DDX10: variants seen among roughly 807,000 people sequenced by gnomAD.
DDX10 encodes the protein probable ATP-dependent RNA helicase DDX10.
A neutral mutation model predicts 104.3 loss-of-function variants in DDX10; 74 were observed. That is an observed-to-expected ratio of 0.71 (90% CI 0.59 to 0.86). The LOEUF (loss-of-function observed/expected upper bound fraction) is 0.86, where lower values mean the gene tolerates loss of function less well. DDX10 is among the 40% of genes least tolerant of loss of function. DDX10 has a pLI of 0.00. For missense variants in DDX10, 952 were observed against 1,040.0 expected (o/e 0.92, Z 1.16); for synonymous variants, 351 against 353.4 (o/e 0.99, Z 0.08).
intron 6 of DDX10, among the ~76,000 whole-genome samples, chr11:108,680,794 A>G (rs2094233797): frequency 6.6e-6 from 1 of 152,218 alleles, no homozygotes; most frequent in South Asian, 2.1e-4. Flanking sequence ...ATTCAGGCCC[A>G]TCTTGACCTT....
intron 13 of DDX10, among the ~76,000 whole-genome samples, chr11:108,726,081 T>C (rs755283564): frequency 2.0e-5 from 3 of 152,056 alleles, no homozygotes; most frequent in Non-Finnish European, 2.9e-5. Flanking sequence ...GAAAGTCAGT[T>C]GACTTTCAAA....
intron 13 of DDX10, among the ~76,000 whole-genome samples, chr11:108,770,592 C>T (rs969174655): frequency 1.4e-5 from 2 of 147,736 alleles, no homozygotes; most frequent in Non-Finnish European, 3.0e-5. Flanking sequence ...TTTTTAGATC[C>T]TACTAATAAG....
At chr11:108,870,199 A>G (rs2134622334) in intron 16 of DDX10, among the ~76,000 whole-genome samples, 1 of 152,282 alleles carries the variant, frequency 6.6e-6, no homozygotes, top group East Asian at 1.9e-4. Flanking sequence ...CACTCCTGCT[A>G]TCCCTATCAT....
At chr11:108,764,781 C>G (rs1174719553) in intron 13 of DDX10, among the ~76,000 whole-genome samples, 1 of 152,122 alleles carries the variant, frequency 6.6e-6, no homozygotes, top group African/African-American at 2.4e-5. Context: ...CTCAGCATTA[C>G]TTTCTTTGAT....
intron 13 of DDX10, among the ~76,000 whole-genome samples, chr11:108,809,835 T>C (rs1448788020): frequency 6.6e-6 from 1 of 152,206 alleles, no homozygotes; most frequent in Non-Finnish European, 1.5e-5. Flanking sequence ...TGCATCTGTG[T>C]GTTCTACCCT....
At chr11:108,684,902 G>T (rs1352972592) in intron 6 of DDX10, among the ~76,000 whole-genome samples, 1 of 143,740 alleles carries the variant, frequency 7.0e-6, no homozygotes, top group East Asian at 2.1e-4. Flanking sequence ...TCTAACTGGT[G>T]TGAGATGATA....
chr11:108,849,205 T>G (rs542777286), intron 15 of DDX10, among the ~76,000 whole-genome samples: 58 of 152,264 alleles, frequency 3.8e-4, no homozygotes, highest in African/African-American at 1.4e-3. Flanking sequence ...ATGATCTTTC[T>G]CTTGCTTACT....
At chr11:108,932,792 T>C (rs1331567909) in intron 17 of DDX10, among the ~76,000 whole-genome samples, 1 of 152,040 alleles carries the variant, frequency 6.6e-6, no homozygotes, top group Non-Finnish European at 1.5e-5. Context: ...GTGACAAAAA[T>C]GAAAGTAATT....
intron 13 of DDX10, among the ~76,000 whole-genome samples, chr11:108,835,257 G>C (rs1227476607): frequency 6.6e-6 from 1 of 152,186 alleles, no homozygotes; most frequent in African/African-American, 2.4e-5. Context: ...TAGTAACTGA[G>C]GAAGAACAAT....
At position 108,911,553 on chromosome 11, in the gene DDX10, CTTCTTTT is replaced by C. The variant is rs372342134; in HGVS notation, c.2305-6317_2305-6311del. Among the ~76,000 whole-genome samples, 83 of 117,236 alleles carry C rather than the reference CTTCTTTT, an allele frequency of 7.1e-4. 2 individuals are homozygous for C. Among genetic ancestry groups the C allele is most frequent in the Non-Finnish European group, 9.0e-4 (53 of 58,660 alleles). 76.9% of individuals were successfully genotyped at this position (117,236 alleles called of 152,430 possible). On this transcript the variant is annotated intron_variant, in intron 16 of 17. Transcript: ENST00000322536. ...CCAGTTCCCAAAAGCTTTGCCTCCT[CTTCTTTT>C]TTTTTTTTTTTTTTTTTTTTTTTTT...
At chr11:108,889,214 A>ACACAT (rs2134638488) in intron 16 of DDX10, among the ~76,000 whole-genome samples, 1 of 152,274 alleles carries the variant, frequency 6.6e-6, no homozygotes, top group East Asian at 1.9e-4. Flanking sequence ...GTGATTCATA[A>ACACAT]CACATATTGC....
At chr11:108,901,998 A>T (rs981695821) in intron 16 of DDX10, among the ~76,000 whole-genome samples, 1 of 152,240 alleles carries the variant, frequency 6.6e-6, no homozygotes, top group Non-Finnish European at 1.5e-5. Context: ...CAGAATAATG[A>T]AAGGACTGTA....
chr11:108,681,962 G>A, intron 6 of DDX10, among the ~76,000 whole-genome samples: 1 of 151,670 alleles, frequency 6.6e-6, no homozygotes, highest in East Asian at 1.9e-4. Context: ...TGGTTTTTTT[G>A]CCTTTTTCTT....
rs746030725 is a variant in DDX10, at chr11:108,719,835, G to T, written c.1449G>T (p.Lys483Asn). Residue 483 changes from lysine to asparagine, a missense_variant, in exon 12 of 18, where the codon AAG becomes AAT. Transcript: ENST00000322536. ...VSYVRSVYLM[K>N]DKEVFDVSKL... is the part of the protein sequence containing the mutation. ...ATGTACGATCTGTATATCTGATGAA[G>T]GATAAAGAAGTATTTGATGTGAGCA... 5 of 1,607,442 alleles carry T rather than the reference G, an allele frequency of 3.1e-6. No homozygotes were observed. The Admixed American group carries it at 8.3e-5, about 27-fold the overall frequency.
rs139698510 is a variant in DDX10 at position 108,674,516 on chromosome 11, CTT to C, written c.247+1000_247+1001del. ...TAAGAGAGATATATAATAGATCTCT[CTT>C]TTTTTTTTTTAAGATAGGGTCTTGC... On this transcript the variant is annotated intron_variant, in intron 2 of 17. Coordinates refer to ENST00000322536, the MANE Select transcript of DDX10 (RefSeq NM_004398.4). Among the ~76,000 whole-genome samples, 6 of 143,456 alleles carry C rather than the reference CTT, an allele frequency of 4.2e-5. No individual in the cohort carries two copies. In the South Asian group the frequency reaches 6.7e-4, roughly 16 times the overall value. The allele number at this position is 143,456 out of a possible 152,430, so 94.1% of individuals were successfully genotyped here. A position where few individuals can be genotyped will look rare whatever the true frequency, so the allele number is the denominator to read the frequency against.
At chr11:108,846,674 T>G (rs1862722140) in intron 15 of DDX10, among the ~76,000 whole-genome samples, 1 of 152,238 alleles carries the variant, frequency 6.6e-6, no homozygotes, top group Admixed American at 6.5e-5. Flanking sequence ...ATCCATTGTT[T>G]GTTGATGGGC....
chr11:108,685,007 A>C (rs1044306879), intron 6 of DDX10, among the ~76,000 whole-genome samples: 1 of 134,126 alleles, frequency 7.5e-6, no homozygotes, highest in African/African-American at 2.8e-5. Flanking sequence ...TTCTTTTGAG[A>C]AGTGTCTGTT....
intron 13 of DDX10, among the ~76,000 whole-genome samples, chr11:108,738,618 ATACCCAGT>A (rs1188589980): frequency 1.3e-5 from 2 of 152,138 alleles, no homozygotes; most frequent in African/African-American, 4.8e-5. Flanking sequence ...TAGGTATGGC[ATACCCAGT>A]TACTCCTTCT....
At chr11:108,799,106 G>A (rs1236172023) in intron 13 of DDX10, among the ~76,000 whole-genome samples, 3 of 152,122 alleles carry the variant, frequency 2.0e-5, no homozygotes, top group African/African-American at 4.8e-5. Flanking sequence ...TCTGCTGAAA[G>A]GGTTAGGTCT....
Sources: gnomAD v4.1 joint callset for allele counts (sites outside exome capture counted in the v4.1 genomes callset) on GRCh38, gnomAD v4.1.1 for gene constraint, MANE v1.5 for transcripts, NCBI Gene and HGNC (gene_info 2026-07-23, HGNC 2026-07-21) for gene names.